Variants in CLRN3 observed in about 807,000 individuals in gnomAD.
The protein encoded by CLRN3 is clarin-3.
Under a neutral mutation model 16.7 loss-of-function variants are expected in CLRN3, and 12 were observed. That is an observed-to-expected ratio of 0.72 (90% CI 0.46 to 1.16). The LOEUF (loss-of-function observed/expected upper bound fraction) is 1.16. Among genes scored for constraint, CLRN3 ranks in the 50% most tolerant of loss-of-function variants. The probability of loss-of-function intolerance (pLI) is 0.00; values close to 1 mark genes in which losing one functional copy is unlikely to be tolerated. For missense variants in CLRN3, 296 were observed against 274.2 expected (o/e 1.08, Z -0.56); for synonymous variants, 118 against 113.0 (o/e 1.04, Z -0.28).
chr10:127,883,978 T>C, intron 1 of CLRN3, 103 bp from the exon 2 acceptor site: 2 of 1,106,542 alleles, frequency 1.8e-6, no homozygotes, highest in Non-Finnish European at 1.4e-6. Flanking sequence ...TTACTGGTTG[T>C]TGGATGTCAG....
At chr10:127,890,108 C>T (rs1474762591) in intron 1 of CLRN3, among the ~76,000 whole-genome samples, 1 of 152,248 alleles carries the variant, frequency 6.6e-6, no homozygotes, top group Non-Finnish European at 1.5e-5. Flanking sequence ...ATGGTGAGCC[C>T]TCCAAGGCCA....
intron 2 of CLRN3, among the ~76,000 whole-genome samples, chr10:127,880,316 A>G (rs933476815): frequency 1.2e-4 from 19 of 152,128 alleles, no homozygotes; most frequent in African/African-American, 4.3e-4. Context: ...CACAGACACA[A>G]AATGCAAACC....
At chr10:127,884,149 C>G (rs1845164782) in intron 1 of CLRN3, among the ~76,000 whole-genome samples, 1 of 152,234 alleles carries the variant, frequency 6.6e-6, no homozygotes, top group Non-Finnish European at 1.5e-5. Context: ...GTTTACCTTC[C>G]TGGATACCGG....
At chr10:127,882,773 A>C (rs778174172) in intron 2 of CLRN3, among the ~76,000 whole-genome samples, 7 of 152,218 alleles carry the variant, frequency 4.6e-5, no homozygotes, top group Non-Finnish European at 1.0e-4. Context: ...AAAATGCGTC[A>C]CCTGGAGCTT....
chr10:127,890,983 T>C (rs1845251730), intron 1 of CLRN3, among the ~76,000 whole-genome samples: 1 of 152,174 alleles, frequency 6.6e-6, no homozygotes, highest in African/African-American at 2.4e-5. Context: ...TCTTCAGCAC[T>C]AGGAGGTTGG....
intron 1 of CLRN3, among the ~76,000 whole-genome samples, chr10:127,888,405 T>C (rs1181872390): frequency 6.6e-6 from 1 of 152,238 alleles, no homozygotes; most frequent in East Asian, 1.9e-4. Flanking sequence ...GGGCAGATGA[T>C]GAACCTGCTC....
chr10:127,878,210 T>C lies in CLRN3; in HGVS notation c.620A>G (p.Gln207Arg), dbSNP rs754676803. The stretch of plus-strand genomic sequence containing the variant: ...TGGCTTTCTCTGCTCCTGCTTCCGC[T>C]GGTATCTGGCCTTCTGGTAGAAAAT... Reference protein sequence around the residue: ...IIIFYQKARYQRKQEQRKPME... With the variant: ...IIIFYQKARYRRKQEQRKPME... The change falls in exon 3 of 3, where the codon CAG (glutamine) becomes CGG (arginine). Residue 207 changes from glutamine (Q) to arginine (R), a missense_variant. Gln to Arg is a conservative substitution (Grantham distance 43). Transcript: ENST00000368671. The C allele has an allele frequency of 1.9e-6, 3 of 1,614,206 alleles. No homozygotes were observed. The Admixed American group carries it at 5.0e-5, about 27-fold the overall frequency.
chr10:127,880,247 A>C (rs1845111924), intron 2 of CLRN3, among the ~76,000 whole-genome samples: 1 of 152,138 alleles, frequency 6.6e-6, no homozygotes, highest in South Asian at 2.1e-4. Context: ...ATATAGTCTA[A>C]ATGCTTTTTT....
At chr10:127,886,296 G>A (rs1315653341) in intron 1 of CLRN3, among the ~76,000 whole-genome samples, 1 of 152,080 alleles carries the variant, frequency 6.6e-6, no homozygotes, top group Non-Finnish European at 1.5e-5. Flanking sequence ...TTCTTTTTTG[G>A]CTTTTTAATC....
intron 1 of CLRN3, among the ~76,000 whole-genome samples, chr10:127,885,296 T>C (rs75509782): frequency 0.011 from 1,744 of 152,258 alleles, 20 homozygotes; most frequent in East Asian, 0.044. Context: ...CTTTCCCTCC[T>C]TGCATCGCCG....
chr10:127,882,260 C>A (rs980718452), intron 2 of CLRN3, among the ~76,000 whole-genome samples: 1 of 152,158 alleles, frequency 6.6e-6, no homozygotes, highest in Non-Finnish European at 1.5e-5. Context: ...ATAATAAAAG[C>A]ACAGAAAGAA....
chr10:127,883,675 G>A (rs375795267), intron 2 of CLRN3, 21 bp downstream of exon 2: 104 of 1,570,140 alleles, frequency 6.6e-5, no homozygotes, highest in Admixed American at 3.8e-4. Flanking sequence ...GCAGAGCACC[G>A]AGTCTCACAG....
intron 2 of CLRN3, 99 bp downstream of exon 2, chr10:127,883,597 A>G (rs1845155517): frequency 1.1e-6 from 1 of 884,002 alleles, no homozygotes; most frequent in Non-Finnish European, 1.9e-6. Context: ...CTTGGTGTAA[A>G]CGTGACTGTG....
chr10:127,884,963 G>T (rs1025564442), intron 1 of CLRN3, among the ~76,000 whole-genome samples: 1 of 152,208 alleles, frequency 6.6e-6, no homozygotes, highest in African/African-American at 2.4e-5. Flanking sequence ...TCACAGTAAG[G>T]CCACAGCAAC....
chr10:127,888,275 G>T (rs556792171), intron 1 of CLRN3, among the ~76,000 whole-genome samples: 15 of 152,304 alleles, frequency 9.8e-5, no homozygotes, highest in Non-Finnish European at 2.2e-4. Flanking sequence ...GGGAGCCCAG[G>T]CTGGTGCCCC....
At chr10:127,888,590 G>C (rs1032257064) in intron 1 of CLRN3, among the ~76,000 whole-genome samples, 3 of 152,288 alleles carry the variant, frequency 2.0e-5, no homozygotes, top group Admixed American at 1.3e-4. Context: ...TGAGCTCCCT[G>C]AGAACACATG....
chr10:127,879,668 C>A (rs1845103866), intron 2 of CLRN3, among the ~76,000 whole-genome samples: 1 of 151,978 alleles, frequency 6.6e-6, no homozygotes, highest in African/African-American at 2.4e-5. Context: ...TCAAGGTGAT[C>A]AAAATATTCT....
intron 1 of CLRN3, among the ~76,000 whole-genome samples, chr10:127,888,989 C>T (rs191932289): frequency 1.3e-5 from 2 of 152,268 alleles, no homozygotes; most frequent in East Asian, 3.9e-4. Flanking sequence ...ATGCCTCACC[C>T]GCATCCCAGG....
chr10:127,883,447 C>G (rs574307143), intron 2 of CLRN3, among the ~76,000 whole-genome samples: 1 of 152,310 alleles, frequency 6.6e-6, no homozygotes, highest in South Asian at 2.1e-4. Flanking sequence ...GTTAGAGTCT[C>G]AAAAGCAAAG....
Sources: gnomAD v4.1 joint callset for allele counts (sites outside exome capture counted in the v4.1 genomes callset) on GRCh38, gnomAD v4.1.1 for gene constraint, MANE v1.5 for transcripts, NCBI Gene and HGNC (gene_info 2026-07-23, HGNC 2026-07-21) for gene names.